RCAN2: variants seen among roughly 807,000 people sequenced by gnomAD.
The protein encoded by RCAN2 is calcipressin-2.
Under a neutral mutation model 23.6 loss-of-function variants are expected in RCAN2, and 9 were observed. The observed-to-expected ratio is 0.38, with a 90% confidence interval of 0.23 to 0.67. The LOEUF (loss-of-function observed/expected upper bound fraction) is 0.67. Among genes scored for constraint, RCAN2 ranks in the 30% least tolerant of loss-of-function variants. The pLI is 0.51. For missense variants in RCAN2, 273 were observed against 302.3 expected (o/e 0.90, Z 0.72); for synonymous variants, 109 against 115.7 (o/e 0.94, Z 0.37).
intron 1 of RCAN2, among the ~76,000 whole-genome samples, chr6:46,481,687 C>G (rs1432176790): frequency 1.3e-5 from 2 of 152,122 alleles, no homozygotes; most frequent in African/African-American, 4.8e-5. Flanking sequence ...GAAGTAATAT[C>G]TGGTCTCTGG....
At chr6:46,355,724 C>T (rs1764808687) in intron 2 of RCAN2, among the ~76,000 whole-genome samples, 1 of 152,150 alleles carries the variant, frequency 6.6e-6, no homozygotes, top group Admixed American at 6.5e-5. Flanking sequence ...TAGCCAGTTT[C>T]AAGAGTGCCA....
chr6:46,295,555 G>A (rs985031134), intron 2 of RCAN2, among the ~76,000 whole-genome samples: 2 of 152,136 alleles, frequency 1.3e-5, no homozygotes, highest in African/African-American at 4.8e-5. Context: ...GCCAGAGTAA[G>A]AATGCAAAGT....
intron 2 of RCAN2, among the ~76,000 whole-genome samples, chr6:46,312,981 T>G (rs971826673): frequency 3.3e-5 from 5 of 152,178 alleles, no homozygotes; most frequent in Non-Finnish European, 5.9e-5. Context: ...CCTGTTAGAC[T>G]TGCACATAAG....
intron 2 of RCAN2, among the ~76,000 whole-genome samples, chr6:46,250,862 C>T (rs550925580): frequency 1.3e-5 from 2 of 152,254 alleles, no homozygotes; most frequent in East Asian, 3.9e-4. Context: ...CTTCCTGCCT[C>T]TTGGGCATCC....
At position 46,396,843 on chromosome 6, in the gene RCAN2, G is replaced by A. The variant is rs113166141; in HGVS notation, c.225+59909C>T. On this transcript the variant is annotated intron_variant, in intron 2 of 4. Transcript: ENST00000371374. ...AATAGTAATCTTGGCTGGGTGCGGTGGCTCAGGCCTGTATTCTCAGCACTT... is the reference window on the plus strand; with the variant it reads ...AATAGTAATCTTGGCTGGGTGCGGTAGCTCAGGCCTGTATTCTCAGCACTT... Among the ~76,000 whole-genome samples, 669 of 152,226 alleles carry A rather than the reference G, an allele frequency of 4.4e-3. 5 individuals are homozygous for A. Among genetic ancestry groups the A allele is most frequent in the African/African-American group, 0.015 (623 of 41,516 alleles).
intron 2 of RCAN2, among the ~76,000 whole-genome samples, chr6:46,410,248 C>T (rs945636564): frequency 1.3e-5 from 2 of 152,188 alleles, no homozygotes; most frequent in East Asian, 1.9e-4. Flanking sequence ...CCCAGGTTCT[C>T]CAATTTGCAG....
At chr6:46,372,444 C>A (rs1454626517) in intron 2 of RCAN2, among the ~76,000 whole-genome samples, 2 of 152,182 alleles carry the variant, frequency 1.3e-5, no homozygotes, top group African/African-American at 4.8e-5. Flanking sequence ...CGCTTGGCAG[C>A]TTGTGCTCTT....
At position 46,469,987 on chromosome 6, in the gene RCAN2, G is replaced by C. The variant is rs565430042; in HGVS notation, c.-2-13009C>G. Reference sequence around the variant, plus strand: ...ACCAGACGACCGAACCTCGATCTTGGACTTCCTTGATCTTGGACACCTTGA... The same window carrying C: ...ACCAGACGACCGAACCTCGATCTTGCACTTCCTTGATCTTGGACACCTTGA... On this transcript the variant is annotated intron_variant, in intron 1 of 4. Coordinates refer to ENST00000371374, the MANE Select transcript of RCAN2 (RefSeq NM_001251974.2). Among the ~76,000 whole-genome samples, 4 of 152,248 alleles carry C rather than the reference G, an allele frequency of 2.6e-5. No individual in the cohort carries two copies. The East Asian group carries it at 7.7e-4, about 29-fold the overall frequency.
At chr6:46,471,537 G>GT (rs980304642) in intron 1 of RCAN2, among the ~76,000 whole-genome samples, 1 of 152,180 alleles carries the variant, frequency 6.6e-6, no homozygotes, top group African/African-American at 2.4e-5. Context: ...ATTTACTAAG[G>GT]TGGAGTAGGC....
intron 2 of RCAN2, among the ~76,000 whole-genome samples, chr6:46,359,412 T>A (rs1424136798): frequency 1.3e-5 from 2 of 152,208 alleles, no homozygotes; most frequent in East Asian, 3.8e-4. Flanking sequence ...AAGATGTACT[T>A]CATCTATGTC....
chr6:46,398,911 A>AAT (rs60915055), intron 2 of RCAN2, among the ~76,000 whole-genome samples: 5,084 of 149,106 alleles, frequency 0.034, 241 homozygotes, highest in African/African-American at 0.11. Context: ...GTCTTTTATA[A>AAT]ATATATATAT....
At chr6:46,377,400 C>T (rs943336321) in intron 2 of RCAN2, among the ~76,000 whole-genome samples, 2 of 152,330 alleles carry the variant, frequency 1.3e-5, no homozygotes, top group East Asian at 1.9e-4. Context: ...CACTTTCTTA[C>T]GTGACTAAAC....
At chr6:46,355,059 G>A (rs946188455) in intron 2 of RCAN2, among the ~76,000 whole-genome samples, 2 of 152,096 alleles carry the variant, frequency 1.3e-5, no homozygotes, top group Non-Finnish European at 2.9e-5. Context: ...AATACAACAA[G>A]CTATGGCATA....
chr6:46,447,262 T>G (rs1048367251), intron 2 of RCAN2, among the ~76,000 whole-genome samples: 1 of 152,096 alleles, frequency 6.6e-6, no homozygotes, highest in South Asian at 2.1e-4. Flanking sequence ...GTTAAAATGA[T>G]TAATTTGATA....
chr6:46,456,561 A>G (rs1468616670), intron 2 of RCAN2, among the ~76,000 whole-genome samples, 191 bp downstream of exon 2: 2 of 152,140 alleles, frequency 1.3e-5, no homozygotes, highest in Non-Finnish European at 2.9e-5. Flanking sequence ...CTCATCTACA[A>G]CCCTGTCAGA....
intron 2 of RCAN2, among the ~76,000 whole-genome samples, chr6:46,333,861 T>C (rs751623945): frequency 2.6e-5 from 4 of 152,234 alleles, no homozygotes; most frequent in Non-Finnish European, 5.9e-5. Flanking sequence ...AATCAAGATA[T>C]CCTAAACACA....
intron 2 of RCAN2, among the ~76,000 whole-genome samples, chr6:46,267,486 G>A (rs1767375757): frequency 6.6e-6 from 1 of 152,132 alleles, no homozygotes. Context: ...TTTGAGACCA[G>A]CCTAAGCAAC....
In RCAN2 at chr6:46,325,463, A is replaced by C. The variant is rs769768175; in HGVS notation, c.226-76567T>G. On this transcript the variant is annotated intron_variant, in intron 2 of 4. Transcript: ENST00000371374. ...AACCAGAGTGGAAACATCACAGTCC[A>C]TGCTAGGGGCTGGCATTCCCCCTTC... 8 of 1,614,068 alleles carry C rather than the reference A, an allele frequency of 5.0e-6. No individual in the cohort carries two copies. The highest frequency in any genetic ancestry group is 6.8e-6 in the Non-Finnish European group (8 of 1,180,018).
At position 46,230,106 on chromosome 6, in the gene RCAN2, G is replaced by A. The variant is rs540679663; in HGVS notation, c.572-6805C>T. On this transcript the variant is annotated intron_variant, in intron 4 of 4. Transcript: ENST00000371374. ...TGCAGAACAACAAATATTGCAGAGC[G>A]GCAAATGTTGCTGCCTGATCCTTCC... Among the ~76,000 whole-genome samples, 9 of 152,238 alleles carry A rather than the reference G, an allele frequency of 5.9e-5. No homozygotes were observed. The East Asian group carries it at 7.7e-4, about 13-fold the overall frequency.
Sources: gnomAD v4.1 joint callset for allele counts (sites outside exome capture counted in the v4.1 genomes callset) on GRCh38, gnomAD v4.1.1 for gene constraint, MANE v1.5 for transcripts, NCBI Gene and HGNC (gene_info 2026-07-23, HGNC 2026-07-21) for gene names.